SSBP2: variants seen among roughly 807,000 people sequenced by gnomAD.
SSBP2 encodes the protein single stranded DNA binding protein 2, also known as single-stranded DNA-binding protein 2.
Under a neutral mutation model 61.8 loss-of-function variants are expected in SSBP2, and 17 were observed. The ratio of observed to expected loss-of-function variants is 0.28; its 90% CI spans 0.19 to 0.41. The LOEUF (loss-of-function observed/expected upper bound fraction) is 0.41. Ranked by LOEUF, SSBP2 falls within the 10% of genes least tolerant of loss-of-function variation. The pLI is 1.00. For synonymous variants in SSBP2, 139 were observed against 141.3 expected, an observed-to-expected ratio of 0.98 and a Z score of 0.12; for missense variants, 310 against 458.7, an observed-to-expected ratio of 0.68 and a Z score of 2.96.
At chr5:81,434,891 T>A (rs1484715682) in intron 15 of SSBP2, among the ~76,000 whole-genome samples, 1 of 152,054 alleles carries the variant, frequency 6.6e-6, no homozygotes, top group Non-Finnish European at 1.5e-5. Context: ...AAAATCAGTC[T>A]GGGAGTGGAA....
At chr5:81,636,712 A>G in intron 2 of SSBP2, 94 bp from the exon 3 acceptor site, 1 of 957,686 alleles carries the variant, frequency 1.0e-6, no homozygotes, top group African/African-American at 1.7e-5. Flanking sequence ...TACTATAGTA[A>G]TATTTGAATT....
intron 4 of SSBP2, among the ~76,000 whole-genome samples, chr5:81,575,532 C>T (rs1774150317): frequency 6.6e-6 from 1 of 151,502 alleles, no homozygotes; most frequent in South Asian, 2.1e-4. Context: ...TAAAAACAAG[C>T]TAATGGTGGG....
intron 3 of SSBP2, among the ~76,000 whole-genome samples, chr5:81,631,375 C>A (rs1394747077): frequency 6.6e-6 from 1 of 151,824 alleles, no homozygotes; most frequent in Admixed American, 6.6e-5. Context: ...AAGGAAACCA[C>A]GTGCATGGCA....
chr5:81,750,826 G>A (rs532306719), intron 1 of SSBP2, 155 bp downstream of exon 1: 1 of 840,028 alleles, frequency 1.2e-6, no homozygotes, highest in Admixed American at 2.3e-5. Context: ...GCAGCTCCCC[G>A]CACCACACGC....
At chr5:81,512,009 T>C (rs1327584593) in intron 5 of SSBP2, among the ~76,000 whole-genome samples, 1 of 152,186 alleles carries the variant, frequency 6.6e-6, no homozygotes, top group South Asian at 2.1e-4. Context: ...GGCTTAACCC[T>C]AGAATGAAAG....
intron 5 of SSBP2, among the ~76,000 whole-genome samples, chr5:81,510,156 G>A (rs1768488840): frequency 6.6e-6 from 1 of 152,050 alleles, no homozygotes; most frequent in African/African-American, 2.4e-5. Context: ...ATATGGCCCT[G>A]CAATTTTTAT....
intron 4 of SSBP2, among the ~76,000 whole-genome samples, chr5:81,577,809 T>C (rs1280413551): frequency 6.6e-6 from 1 of 152,058 alleles, no homozygotes; most frequent in Non-Finnish European, 1.5e-5. Context: ...AAGATTAACC[T>C]TCACAATGTG....
intron 1 of SSBP2, among the ~76,000 whole-genome samples, chr5:81,714,832 C>T (rs1755064336): frequency 6.6e-6 from 1 of 152,104 alleles, no homozygotes. Context: ...AATTTTCTCC[C>T]ATTCTATAGG....
At chr5:81,656,726 C>CA (rs201044035) in intron 1 of SSBP2, among the ~76,000 whole-genome samples, 41,027 of 131,826 alleles carry the variant, frequency 0.31, 6,925 homozygotes, top group Middle Eastern at 0.57. Flanking sequence ...TAAGTAACTC[C>CA]AAAAAAAAAA....
rs567440836 is a variant in SSBP2 at position 81,571,204 on chromosome 5, T to A, written c.282+44269A>T. On this transcript the variant is annotated intron_variant, in intron 4 of 16. Coordinates refer to ENST00000320672, the MANE Select transcript of SSBP2 (RefSeq NM_012446.5). ...TACAACATTTACTTAGATTCTGCCA[T>A]AAATCCATAAATCAAACTCTGACAC... 1.5e-4 allele frequency among the ~76,000 whole-genome samples: 23 copies of A among 152,380 alleles called. No homozygotes were observed. In the South Asian group the frequency reaches 3.1e-3, roughly 21 times the overall value.
intron 6 of SSBP2, 44 bp from the exon 7 acceptor site, chr5:81,474,606 T>C (rs1238498932): frequency 7.0e-7 from 1 of 1,422,168 alleles, no homozygotes; most frequent in Non-Finnish European, 9.6e-7. Flanking sequence ...TTGTAAATAT[T>C]TATAAAATAA....
At chr5:81,472,125 A>G (rs1053435025) in intron 8 of SSBP2, among the ~76,000 whole-genome samples, 5 of 152,204 alleles carry the variant, frequency 3.3e-5, no homozygotes, top group Non-Finnish European at 7.3e-5. Flanking sequence ...GAAAGGAGAA[A>G]TGAATAAGTT....
intron 1 of SSBP2, among the ~76,000 whole-genome samples, chr5:81,701,436 G>C (rs1224573517): frequency 6.6e-6 from 1 of 152,166 alleles, no homozygotes; most frequent in African/African-American, 2.4e-5. Context: ...GAGACACAAA[G>C]TGAGCCCATG....
At chr5:81,519,552 CAT>C (rs1769296400) in intron 4 of SSBP2, among the ~76,000 whole-genome samples, 1 of 152,158 alleles carries the variant, frequency 6.6e-6, no homozygotes, top group Non-Finnish European at 1.5e-5. Context: ...AGAAGAGACA[CAT>C]GTCACTTCCA....
rs371412247 is a variant in SSBP2 at position 81,695,243 on chromosome 5, T to C, written c.63-44904A>G. Among the ~76,000 whole-genome samples, 460 of 152,350 alleles carry C rather than the reference T, an allele frequency of 3.0e-3. 5 individuals are homozygous for C. The highest frequency in any genetic ancestry group is 0.011 in the African/African-American group (452 of 41,588). ...GTATCTGCAATGTTTGTACTTCATGTTGTATTCTTACAATATATCCCAGAT... is the reference window on the plus strand; with the variant it reads ...GTATCTGCAATGTTTGTACTTCATGCTGTATTCTTACAATATATCCCAGAT... On this transcript the variant is annotated intron_variant, in intron 1 of 16. Transcript: ENST00000320672.
intron 4 of SSBP2, among the ~76,000 whole-genome samples, chr5:81,519,568 C>T (rs2154091797): frequency 6.6e-6 from 1 of 152,244 alleles, no homozygotes; most frequent in South Asian, 2.1e-4. Context: ...ACTTCCAGAA[C>T]ATTGGTCTTA....
chr5:81,625,808 A>T (rs950230594), intron 3 of SSBP2, among the ~76,000 whole-genome samples: 17 of 152,218 alleles, frequency 1.1e-4, no homozygotes, highest in African/African-American at 3.9e-4. Context: ...TAAACATGCC[A>T]GATGTGTCCC....
At chr5:81,744,191 C>T (rs1157749263) in intron 1 of SSBP2, among the ~76,000 whole-genome samples, 1 of 152,144 alleles carries the variant, frequency 6.6e-6, no homozygotes, top group Admixed American at 6.5e-5. Flanking sequence ...TATGACAAAA[C>T]ACAAACTCTT....
intron 10 of SSBP2, among the ~76,000 whole-genome samples, chr5:81,459,077 C>G (rs1764358919): frequency 6.6e-6 from 1 of 152,170 alleles, no homozygotes; most frequent in Admixed American, 6.6e-5. Context: ...GTCAAATGCC[C>G]ATTTCAGACT....
Sources: allele counts gnomAD v4.1 joint callset (sites outside exome capture counted in the v4.1 genomes callset), GRCh38; gene constraint gnomAD v4.1.1; transcripts MANE v1.5; gene names NCBI Gene and HGNC (gene_info 2026-07-23, HGNC 2026-07-21).